Variants in DCTN5 observed in about 807,000 individuals in gnomAD.
The protein encoded by DCTN5 is dynactin subunit 5.
DCTN5 carries 14 observed loss-of-function variants against 23.5 expected under a neutral mutation model. The observed-to-expected ratio is 0.60, with a 90% CI of 0.39 to 0.93. The LOEUF is 0.93. Ranked by LOEUF, DCTN5 falls within the 40% of genes least tolerant of loss-of-function variation. The pLI, the probability that DCTN5 is intolerant of heterozygous loss-of-function variation, is 0.00. For missense variants in DCTN5, 156 were observed against 225.9 expected (o/e 0.69, Z 1.98); for synonymous variants, 67 against 79.6 (o/e 0.84, Z 0.84).
chr16:23,648,327 AT>A (rs1258017329), intron 2 of DCTN5, among the ~76,000 whole-genome samples: 20 of 130,258 alleles, frequency 1.5e-4, no homozygotes, highest in Non-Finnish European at 2.7e-4. Context: ...TTGCTGGCTA[AT>A]TTTTTTTTCT....
intron 2 of DCTN5, among the ~76,000 whole-genome samples, chr16:23,648,567 C>T (rs1002131522): frequency 4.0e-5 from 6 of 151,698 alleles, no homozygotes; most frequent in African/African-American, 1.5e-4. Flanking sequence ...CCAGGCTGGT[C>T]GTGAACTCCT....
At position 23,667,703 on chromosome 16, in the gene DCTN5, G is replaced by A. The variant is rs926986204; in HGVS notation, c.*559G>A. The A allele has an allele frequency of 1.9e-5, 3 of 153,962 alleles. No individual in the cohort carries two copies. The highest frequency in any genetic ancestry group is 4.8e-5 in the African/African-American group (2 of 41,470). The allele number at this position is 153,962 out of a possible 1,614,324, so 9.5% of individuals were successfully genotyped here. On this transcript the variant is annotated 3_prime_UTR_variant, in exon 6 of 6. Transcript: ENST00000300087. ...TCTATTAAAACTTGAAGGGAGGGGT[G>A]AATAGTGTTTCTCTCTTCTTCCCAA...
rs1968051397 is a variant in DCTN5 at position 23,673,885 on chromosome 16, G to A, written c.*6741G>A. On this transcript the variant is annotated 3_prime_UTR_variant, in exon 6 of 6. Coordinates refer to ENST00000300087, the MANE Select transcript of DCTN5 (RefSeq NM_032486.4). ...ACAGTTAAATTGCTAATGAACCCTTGTCAAAATCAAATGTCTCCCCTTAGA... is the reference window on the plus strand; with the variant it reads ...ACAGTTAAATTGCTAATGAACCCTTATCAAAATCAAATGTCTCCCCTTAGA... The A allele has an allele frequency of 6.6e-6, 1 of 152,190 alleles. No individual in the cohort carries two copies. Among genetic ancestry groups the A allele is most frequent in the South Asian group, 2.1e-4 (1 of 4,830 alleles). The allele number at this position is 152,190 out of a possible 1,614,324, so 9.4% of individuals were successfully genotyped here.
intron 3 of DCTN5, among the ~76,000 whole-genome samples, chr16:23,660,335 G>A (rs781382074): frequency 6.6e-6 from 1 of 152,074 alleles, no homozygotes; most frequent in East Asian, 1.9e-4. Flanking sequence ...CTTTTCTCTA[G>A]TGAGCATCTA....
At chr16:23,666,803 C>G (rs1481343564) in intron 5 of DCTN5, 4 of 556,556 alleles carry the variant, frequency 7.2e-6, no homozygotes, top group Non-Finnish European at 1.3e-5. Context: ...TCTACCGTGT[C>G]ATGCATCTCT....
chr16:23,656,073 GAAA>G (rs1370163054), intron 2 of DCTN5, among the ~76,000 whole-genome samples: 7 of 152,166 alleles, frequency 4.6e-5, no homozygotes, highest in South Asian at 2.1e-4. Flanking sequence ...AAAATGAAAA[GAAA>G]AATTAGCCAG....
rs1340274365 is a variant in DCTN5 at position 23,661,272 on chromosome 16, C to T, written c.339C>T (p.Asn113=). The change falls in exon 4 of 6, where the codon AAC becomes AAT. Residue 113 remains asparagine, a synonymous_variant. Transcript: ENST00000300087. The part of the protein sequence containing the change: ...QIGSYVHVGK[N]CVIGRRCVLK... ...GTTCCTATGTTCATGTTGGGAAGAA[C>T]TGTGTGATTGTGAGTATGATGACTT... is the stretch of plus-strand genomic sequence containing the variant. 1 of 1,609,954 alleles carries T rather than the reference C, an allele frequency of 6.2e-7. No individual in the cohort carries two copies. Among genetic ancestry groups the T allele is most frequent in the Admixed American group, 1.7e-5 (1 of 59,444 alleles).
chr16:23,666,902 A>C (rs1967917083), intron 5 of DCTN5, 145 bp from the exon 6 acceptor site: 1 of 1,323,408 alleles, frequency 7.6e-7, no homozygotes, highest in African/African-American at 1.5e-5. Flanking sequence ...GTTCTTAGCA[A>C]GCACTGGACC....
rs1175199768 is a variant in DCTN5 at position 23,671,153 on chromosome 16, G to A, written c.*4009G>A. On this transcript the variant is annotated 3_prime_UTR_variant, in exon 6 of 6. Transcript: ENST00000300087. ...CCAGCCTGCCATTGGCTAGCCTTGT[G>A]ACTTTGAGCAAGTTATCTTACTTCG... The A allele has an allele frequency of 1.3e-5, 2 of 152,196 alleles. No individual in the cohort carries two copies. The highest frequency in any genetic ancestry group is 2.9e-5 in the Non-Finnish European group (2 of 68,040). 9.4% of individuals were successfully genotyped at this position (152,196 alleles called of 1,614,324 possible).
intron 5 of DCTN5, 101 bp downstream of exon 5, chr16:23,665,829 T>C: frequency 3.2e-6 from 3 of 936,030 alleles, no homozygotes; most frequent in Non-Finnish European, 4.9e-6. Context: ...TGGCAATATG[T>C]TGATAGAGCT....
At position 23,667,135 on chromosome 16, in the gene DCTN5, G is replaced by C; in HGVS notation, c.540G>C (p.Thr180=). The C allele has an allele frequency of 1.2e-6, 2 of 1,612,322 alleles. No individual in the cohort carries two copies. Residue 180 remains threonine, a synonymous_variant, in exon 6 of 6, where the codon ACG becomes ACC. Coordinates refer to ENST00000300087, the MANE Select transcript of DCTN5 (RefSeq NM_032486.4). Reference sequence around the variant, plus strand: ...ACTACCAGAAGTTTTTGCCCCTGACGCAAGTCTAGCATCTCTGCCTCATGT... The same window carrying C: ...ACTACCAGAAGTTTTTGCCCCTGACCCAAGTCTAGCATCTCTGCCTCATGT... The part of the protein sequence containing the change: ...KSYYQKFLPL[T]QV
Position 23,667,399 on chromosome 16 carries a change from A to C in DCTN5, c.*255A>C, listed in dbSNP as rs941735182. 2.0e-6 allele frequency: 1 copy of C among 490,420 alleles called. No individual in the cohort carries two copies. The highest frequency in any genetic ancestry group is 3.7e-6 in the Non-Finnish European group (1 of 270,094). 30.4% of individuals were successfully genotyped at this position (490,420 alleles called of 1,614,324 possible). A position where few individuals can be genotyped will look rare whatever the true frequency, so the allele number is the denominator to read the frequency against. On this transcript the variant is annotated 3_prime_UTR_variant, in exon 6 of 6. Coordinates refer to ENST00000300087, the MANE Select transcript of DCTN5 (RefSeq NM_032486.4). ...CTATGAACAGTCACTTTGTACCATT[A>C]TCTGTGGAACACAGAATCATCTGTT...
At position 23,673,233 on chromosome 16, in the gene DCTN5, G is replaced by A. The variant is rs144651365; in HGVS notation, c.*6089G>A. 6.6e-6 allele frequency: 1 copy of A among 151,856 alleles called. No homozygotes were observed. The highest frequency in any genetic ancestry group is 2.4e-5 in the African/African-American group (1 of 41,438). 9.4% of individuals were successfully genotyped at this position (151,856 alleles called of 1,614,324 possible). On this transcript the variant is annotated 3_prime_UTR_variant, in exon 6 of 6. Coordinates refer to ENST00000300087, the MANE Select transcript of DCTN5 (RefSeq NM_032486.4). ...CTATGAAAAGACATAAGAGAATTAGGAGGATTTTCTTTAATATATCATTTT... is the reference window on the plus strand; with the variant it reads ...CTATGAAAAGACATAAGAGAATTAGAAGGATTTTCTTTAATATATCATTTT...
chr16:23,650,726 C>CTATGAAAACTAAATGTTTG, intron 2 of DCTN5: 2 of 1,529,810 alleles, frequency 1.3e-6, no homozygotes, highest in Non-Finnish European at 1.8e-6. Context: ...TATGAACAAT[C>CTATGAAAACTAAATGTTTG]CATTTATATT....
chr16:23,643,026 A>G lies in DCTN5; in HGVS notation c.117+3A>G, dbSNP rs779922842. 2 of 1,613,888 alleles carry G rather than the reference A, an allele frequency of 1.2e-6. No homozygotes were observed. Among genetic ancestry groups the G allele is most frequent in the South Asian group, 1.1e-5 (1 of 91,084 alleles). Reference sequence around the variant, plus strand: ...AGAACATCGTTCTCAATGGCAAGGTAAGGGACAAAGCCAGCTCCAGGCTGC... The same window carrying G: ...AGAACATCGTTCTCAATGGCAAGGTGAGGGACAAAGCCAGCTCCAGGCTGC... On this transcript the variant is annotated splice_donor_region_variant and intron_variant, in intron 2 of 5. Transcript: ENST00000300087.
chr16:23,661,945 GT>G (rs1967821355), intron 4 of DCTN5, among the ~76,000 whole-genome samples: 1 of 151,718 alleles, frequency 6.6e-6, no homozygotes. Flanking sequence ...GCCAGGTGTG[GT>G]GACTGTAGCC....
At chr16:23,651,726 C>T (rs1208655709) in intron 2 of DCTN5, among the ~76,000 whole-genome samples, 2 of 152,162 alleles carry the variant, frequency 1.3e-5, no homozygotes, top group Non-Finnish European at 1.5e-5. Flanking sequence ...AAGAGTACAT[C>T]TTTTGAAAAC....
chr16:23,668,391 TA>T lies in DCTN5; in HGVS notation c.*1251del. The T allele has an allele frequency of 6.6e-6, 1 of 152,358 alleles. No homozygotes were observed. The highest frequency in any genetic ancestry group is 3.4e-3 in the Middle Eastern group (1 of 294). 9.4% of individuals were successfully genotyped at this position (152,358 alleles called of 1,614,324 possible). Reference sequence around the variant, plus strand: ...GAACTCCTTTCTAGTTTGTTATTTTTAAAATGTTTATACATAAAACCACCAA... The same window carrying T: ...GAACTCCTTTCTAGTTTGTTATTTTTAAATGTTTATACATAAAACCACCAA... On this transcript the variant is annotated 3_prime_UTR_variant, in exon 6 of 6. Transcript: ENST00000300087.
chr16:23,673,186 G>A lies in DCTN5; in HGVS notation c.*6042G>A, dbSNP rs1968039031. ...AAAAATTCCATGTTGACAAGGATGGGAATATGAGAACATGGAAACAGCTAT... is the reference window on the plus strand; with the variant it reads ...AAAAATTCCATGTTGACAAGGATGGAAATATGAGAACATGGAAACAGCTAT... On this transcript the variant is annotated 3_prime_UTR_variant, in exon 6 of 6. Coordinates refer to ENST00000300087, the MANE Select transcript of DCTN5 (RefSeq NM_032486.4). 1 of 151,648 alleles carries A rather than the reference G, an allele frequency of 6.6e-6. No individual in the cohort carries two copies. The highest frequency in any genetic ancestry group is 6.6e-5 in the Admixed American group (1 of 15,238). 9.4% of individuals were successfully genotyped at this position (151,648 alleles called of 1,614,324 possible). A position where few individuals can be genotyped will look rare whatever the true frequency, so the allele number is the denominator to read the frequency against.
Sources: allele counts gnomAD v4.1 joint callset (sites outside exome capture counted in the v4.1 genomes callset), GRCh38; gene constraint gnomAD v4.1.1; transcripts MANE v1.5; gene names NCBI Gene and HGNC (gene_info 2026-07-23, HGNC 2026-07-21).